Variants in ATP10B observed in about 807,000 individuals in gnomAD.
ATP10B encodes phospholipid-transporting ATPase VB.
A neutral mutation model predicts 141.2 loss-of-function variants in ATP10B; 122 were observed. That is an observed-to-expected ratio of 0.86 (90% CI 0.75 to 1.00). The LOEUF (loss-of-function observed/expected upper bound fraction) is 1.00. Ranked by LOEUF, ATP10B falls within the 50% of genes least tolerant of loss-of-function variation. The pLI is 0.00. For missense variants in ATP10B, 1,876 were observed against 1,825.3 expected, an observed-to-expected ratio of 1.03 and a Z score of -0.51; for synonymous variants, 685 against 692.0, an observed-to-expected ratio of 0.99 and a Z score of 0.16.
At chr5:160,809,879 G>A (rs944951566) in intron 1 of ATP10B, among the ~76,000 whole-genome samples, 1 of 152,130 alleles carries the variant, frequency 6.6e-6, no homozygotes, top group Non-Finnish European at 1.5e-5. Flanking sequence ...TAATGGCTGT[G>A]ATCTCTTATT....
chr5:160,795,168 T>G (rs746135192), intron 1 of ATP10B, among the ~76,000 whole-genome samples: 2 of 152,186 alleles, frequency 1.3e-5, no homozygotes, highest in African/African-American at 2.4e-5. Flanking sequence ...ACAAACCATC[T>G]TTTCAAAAAA....
intron 24 of ATP10B, among the ~76,000 whole-genome samples, chr5:160,582,443 T>C (rs1755615093): frequency 6.6e-6 from 1 of 152,190 alleles, no homozygotes; most frequent in South Asian, 2.1e-4. Flanking sequence ...GGGTTGAAAA[T>C]TCTTTAAGAA....
At chr5:160,776,536 G>A (rs1329294396) in intron 2 of ATP10B, among the ~76,000 whole-genome samples, 1 of 152,198 alleles carries the variant, frequency 6.6e-6, no homozygotes, top group African/African-American at 2.4e-5. Flanking sequence ...GATATTTACA[G>A]AGGGCAAGAA....
At chr5:160,669,103 A>G (rs1762501354) in intron 7 of ATP10B, among the ~76,000 whole-genome samples, 1 of 152,242 alleles carries the variant, frequency 6.6e-6, no homozygotes, top group African/African-American at 2.4e-5. Context: ...AAGAAAAGTG[A>G]TAAAATTGTA....
intron 2 of ATP10B, among the ~76,000 whole-genome samples, chr5:160,782,155 A>G: frequency 6.6e-6 from 1 of 152,212 alleles, no homozygotes; most frequent in Middle Eastern, 3.4e-3. Context: ...TAATTTATTC[A>G]CTCTTTCACC....
intron 7 of ATP10B, among the ~76,000 whole-genome samples, chr5:160,665,783 TGGGTATATATGTGG>T (rs1485522759): frequency 6.6e-6 from 1 of 152,114 alleles, no homozygotes; most frequent in Non-Finnish European, 1.5e-5. Flanking sequence ...AAAATGAGTG[TGGGTATATATGTGG>T]GGTTAGATGT....
intron 1 of ATP10B, among the ~76,000 whole-genome samples, chr5:160,811,928 A>G (rs1451467545): frequency 1.3e-5 from 2 of 152,018 alleles, no homozygotes; most frequent in Non-Finnish European, 2.9e-5. Flanking sequence ...GACCCAGTGC[A>G]GTCTCAGTGG....
At chr5:160,567,153 A>G (rs1754597174) in intron 25 of ATP10B, among the ~76,000 whole-genome samples, 1 of 152,220 alleles carries the variant, frequency 6.6e-6, no homozygotes, top group African/African-American at 2.4e-5. Context: ...TCCTCTATTC[A>G]TTTATTCAAC....
chr5:160,773,879 C>T (rs1388411283), intron 2 of ATP10B, among the ~76,000 whole-genome samples: 2 of 152,138 alleles, frequency 1.3e-5, no homozygotes, highest in East Asian at 1.9e-4. Context: ...GTAAAAGGAT[C>T]GTGTTTTCAT....
intron 2 of ATP10B, among the ~76,000 whole-genome samples, chr5:160,745,710 C>G (rs1455770054): frequency 1.3e-5 from 2 of 152,220 alleles, no homozygotes; most frequent in Non-Finnish European, 2.9e-5. Context: ...CACATACAAG[C>G]TCTGTGACCT....
At chr5:160,660,518 T>C (rs929319413) in intron 7 of ATP10B, among the ~76,000 whole-genome samples, 2 of 152,192 alleles carry the variant, frequency 1.3e-5, no homozygotes, top group African/African-American at 2.4e-5. Context: ...ATTTTGAAAA[T>C]GTAAATGAGA....
chr5:160,649,170 C>T lies in ATP10B; in HGVS notation c.761+1G>A. 6.2e-7 allele frequency: 1 copy of T among 1,607,034 alleles called. No individual in the cohort carries two copies. Among genetic ancestry groups the T allele is most frequent in the Middle Eastern group, 1.7e-4 (1 of 6,040 alleles). On this transcript the variant is annotated splice_donor_variant, in intron 8 of 25. Coordinates refer to ENST00000327245, the MANE Select transcript of ATP10B (RefSeq NM_025153.3). LOFTEE classifies it high-confidence loss of function. Reference sequence around the variant, plus strand: ...AGCAGCATGGGACATGAGATACTTACATATAACCCTTAAATTTGTTGAGGT... The same window carrying T: ...AGCAGCATGGGACATGAGATACTTATATATAACCCTTAAATTTGTTGAGGT...
chr5:160,692,005 A>C (rs1348034645), intron 3 of ATP10B, among the ~76,000 whole-genome samples: 1 of 152,244 alleles, frequency 6.6e-6, no homozygotes, highest in Non-Finnish European at 1.5e-5. Context: ...ATAGCATTGA[A>C]AATGCAAATG....
intron 6 of ATP10B, among the ~76,000 whole-genome samples, chr5:160,680,665 T>TA (rs1036516327): frequency 4.6e-5 from 7 of 152,308 alleles, no homozygotes; most frequent in African/African-American, 9.6e-5. Context: ...ATCTTATTTT[T>TA]AAAAAAACTT....
intron 24 of ATP10B, among the ~76,000 whole-genome samples, chr5:160,589,189 T>C (rs1417157054): frequency 6.6e-6 from 1 of 152,090 alleles, no homozygotes; most frequent in African/African-American, 2.4e-5. Flanking sequence ...TTTTTTTATT[T>C]TTAGTAGAGA....
chr5:160,731,469 G>A (rs80102812), intron 2 of ATP10B, among the ~76,000 whole-genome samples: 1,834 of 152,336 alleles, frequency 0.012, 29 homozygotes, highest in African/African-American at 0.037. Context: ...GCATGAGGCA[G>A]TGGCTTTCTG....
the ATP10B span, among the ~76,000 whole-genome samples, chr5:160,881,684 G>A: frequency 3.9e-5 from 6 of 152,034 alleles, no homozygotes; most frequent in East Asian, 3.9e-4. Context: ...TGGGGTGGGC[G>A]CCTGTAGTCC....
chr5:160,812,901 A>G (rs1773275853), intron 1 of ATP10B, among the ~76,000 whole-genome samples: 1 of 152,230 alleles, frequency 6.6e-6, no homozygotes, highest in Non-Finnish European at 1.5e-5. Context: ...CAAGCACAAG[A>G]AGGTTGTAGA....
the ATP10B span, among the ~76,000 whole-genome samples, chr5:160,921,173 T>C: frequency 6.6e-6 from 1 of 152,130 alleles, no homozygotes; most frequent in African/African-American, 2.4e-5. Context: ...GGATCAAATA[T>C]TGTCATTCTT....
Sources: allele counts gnomAD v4.1 joint callset (sites outside exome capture counted in the v4.1 genomes callset), GRCh38; gene constraint gnomAD v4.1.1; transcripts MANE v1.5; gene names NCBI Gene and HGNC (gene_info 2026-07-23, HGNC 2026-07-21).